The following RAP1GAP2 variants were observed in gnomAD, a reference collection of about 807,000 sequenced individuals.
RAP1GAP2 encodes the protein rap1 GTPase-activating protein 2.
In RAP1GAP2, 27 loss-of-function variants were observed where a neutral mutation model predicts 95.0. The ratio of observed to expected loss-of-function variants is 0.28; its 90% CI spans 0.21 to 0.39. RAP1GAP2 has a LOEUF of 0.39. Among genes scored for constraint, RAP1GAP2 ranks in the 10% least tolerant of loss-of-function variants. The probability of loss-of-function intolerance (pLI) is 1.00; values close to 1 mark genes in which losing one functional copy is unlikely to be tolerated. For missense variants in RAP1GAP2, 771 were observed against 970.0 expected, an observed-to-expected ratio of 0.79 and a Z score of 2.72; for synonymous variants, 373 against 380.9, an observed-to-expected ratio of 0.98 and a Z score of 0.24.
intron 2 of RAP1GAP2, among the ~76,000 whole-genome samples, chr17:2,831,898 AAAC>A (rs1381346384): frequency 2.6e-5 from 4 of 151,986 alleles, no homozygotes; most frequent in Non-Finnish European, 5.9e-5. Context: ...CTGTCTCAAA[AAAC>A]AACAACAACA....
At chr17:2,999,096 G>A (rs1349133523) in intron 14 of RAP1GAP2, among the ~76,000 whole-genome samples, 1 of 152,166 alleles carries the variant, frequency 6.6e-6, no homozygotes, top group Non-Finnish European at 1.5e-5. Context: ...AACCTCCCAA[G>A]CAGTCACGGG....
intron 2 of RAP1GAP2, among the ~76,000 whole-genome samples, chr17:2,879,355 A>ATCCACCCGCCTCGGCCTCCCCAAGTGT (rs1229109445): frequency 3.3e-5 from 5 of 151,382 alleles, no homozygotes; most frequent in African/African-American, 1.2e-4. Context: ...ACCTCAAGTG[A>ATCCACCCGCCTCGGCCTCCCCAAGTGT]TCCACCCGCC....
intron 3 of RAP1GAP2, among the ~76,000 whole-genome samples, chr17:2,933,776 A>T (rs981524002): frequency 6.6e-6 from 1 of 152,180 alleles, no homozygotes; most frequent in East Asian, 1.9e-4. Context: ...CAGTTCCCCC[A>T]CTAAGAGGCT....
At chr17:2,780,324 G>T (rs1176093085) in intron 1 of RAP1GAP2, among the ~76,000 whole-genome samples, 3 of 152,220 alleles carry the variant, frequency 2.0e-5, no homozygotes, top group East Asian at 3.8e-4. Flanking sequence ...GTGCTGGGGT[G>T]ACAGGCGGGA....
chr17:2,881,274 AG>A (rs1260387254), intron 2 of RAP1GAP2, among the ~76,000 whole-genome samples: 10 of 151,710 alleles, frequency 6.6e-5, no homozygotes, highest in African/African-American at 2.4e-4. Flanking sequence ...AAAAAAAAAA[AG>A]AAAAAATGTG....
At chr17:2,854,216 C>T in intron 2 of RAP1GAP2, 1 of 910,158 alleles carries the variant, frequency 1.1e-6, no homozygotes, top group Non-Finnish European at 1.3e-6. Flanking sequence ...AAAAAAGCCT[C>T]CTCTCCAGGT....
rs543215623 is a variant in RAP1GAP2, at chr17:2,797,663, G to A, written c.44+1092G>A. 5 of 981,932 alleles carry A rather than the reference G, an allele frequency of 5.1e-6. No homozygotes were observed. The highest frequency in any genetic ancestry group is 6.0e-6 in the Non-Finnish European group (5 of 826,764). The allele number at this position is 981,932 out of a possible 1,614,324, so 60.8% of individuals were successfully genotyped here. ...TGCCATCCATCCTCTGGCAGGGGGG[G>A]ACTGTGGGCACTCCATGTTTGGCAG... On this transcript the variant is annotated intron_variant, in intron 1 of 24. Transcript: ENST00000254695. This position sits in a 1 kb window ranked among gnomAD's most constrained non-coding sequence, Gnocchi z 5.6.
intron 8 of RAP1GAP2, among the ~76,000 whole-genome samples, chr17:2,975,465 A>G (rs2045070200): frequency 6.6e-6 from 1 of 152,246 alleles, no homozygotes; most frequent in African/African-American, 2.4e-5. Context: ...CAATAGTAAT[A>G]TCAGACAAAA....
At chr17:2,767,255 G>C (rs1443244649) in intron 1 of RAP1GAP2, among the ~76,000 whole-genome samples, 1 of 150,514 alleles carries the variant, frequency 6.6e-6, no homozygotes, top group Non-Finnish European at 1.5e-5. Flanking sequence ...CCAGCTGCTT[G>C]GGAGGCTGAG....
At chr17:2,922,837 T>TG (rs1378558621) in intron 3 of RAP1GAP2, among the ~76,000 whole-genome samples, 3 of 150,616 alleles carry the variant, frequency 2.0e-5, no homozygotes, top group Admixed American at 6.6e-5. Context: ...TTTTTGTTTT[T>TG]TTTTTTTTTT....
At chr17:2,794,847 C>T (rs1204982943), upstream of RAP1GAP2, among the ~76,000 whole-genome samples, 3 of 149,394 alleles carry the variant, frequency 2.0e-5, no homozygotes, top group Admixed American at 6.7e-5. Context: ...AGGCCAATGG[C>T]ACCAGCTAGG....
In RAP1GAP2 at chr17:2,984,992, A is replaced by G; in HGVS notation, c.739A>G (p.Met247Val). Reference protein sequence around the residue: ...NPVLYPKASQMIVSYDEHEVN... With the variant: ...NPVLYPKASQVIVSYDEHEVN... The stretch of plus-strand genomic sequence containing the variant: ...TTGCCACATTTTCCAGGCCTCCCAA[A>G]TGATTGTGTCCTATGATGAGCATGA... Residue 247 changes from methionine to valine, a missense_variant, in exon 11 of 25, where the codon ATG becomes GTG. Coordinates refer to ENST00000254695, the MANE Select transcript of RAP1GAP2 (RefSeq NM_015085.5). 6.2e-7 allele frequency: 1 copy of G among 1,607,352 alleles called. No individual in the cohort carries two copies. Among genetic ancestry groups the G allele is most frequent in the Non-Finnish European group, 8.5e-7 (1 of 1,178,024 alleles).
intron 3 of RAP1GAP2, among the ~76,000 whole-genome samples, chr17:2,910,140 T>G (rs2042324548): frequency 6.6e-6 from 1 of 152,222 alleles, no homozygotes; most frequent in African/African-American, 2.4e-5. Context: ...GTCCGATTCT[T>G]TCCTTAACTT....
At chr17:2,899,915 C>T (rs1013101090) in intron 2 of RAP1GAP2, among the ~76,000 whole-genome samples, 3 of 152,158 alleles carry the variant, frequency 2.0e-5, no homozygotes, top group Admixed American at 6.5e-5. Flanking sequence ...TGTTCGTTGG[C>T]GGATGGACAC....
intron 3 of RAP1GAP2, among the ~76,000 whole-genome samples, chr17:2,942,155 T>A (rs1025118364): frequency 2.0e-5 from 3 of 152,176 alleles, no homozygotes; most frequent in African/African-American, 7.2e-5. Flanking sequence ...GGATTCATTC[T>A]GGGCAAGTTG....
upstream of RAP1GAP2, among the ~76,000 whole-genome samples, chr17:2,773,994 G>A (rs1350303210): frequency 6.6e-6 from 1 of 152,084 alleles, no homozygotes; most frequent in African/African-American, 2.4e-5. Context: ...CTGCCCTCAG[G>A]TGATCTGCCT....
chr17:2,959,630 G>A (rs946195327), intron 4 of RAP1GAP2, among the ~76,000 whole-genome samples: 6 of 152,220 alleles, frequency 3.9e-5, no homozygotes, highest in African/African-American at 1.4e-4. Context: ...TTAGCTAGTT[G>A]TGAAGAGCTG....
rs574007861 is a variant in RAP1GAP2, at chr17:2,781,401, C to T, written c.-14+4123C>T. 2.0e-5 allele frequency among the ~76,000 whole-genome samples: 3 copies of T among 152,346 alleles called. No homozygotes were observed. In the South Asian group the frequency reaches 6.2e-4, roughly 32 times the overall value. ...ACTGAGGTGTGCCTGTGCATGTGGACACATCTGTGCTTGGTGTGCACGTGT... is the reference window on the plus strand; with the variant it reads ...ACTGAGGTGTGCCTGTGCATGTGGATACATCTGTGCTTGGTGTGCACGTGT... On this transcript the variant is annotated intron_variant, in intron 1 of 24. Coordinates refer to the RAP1GAP2 transcript ENST00000540393.
At chr17:2,997,543 T>A (rs1229191043) in intron 13 of RAP1GAP2, among the ~76,000 whole-genome samples, 1 of 152,138 alleles carries the variant, frequency 6.6e-6, no homozygotes. Context: ...GAGTCAGGGA[T>A]CTGCATGCTG....
Sources: allele counts gnomAD v4.1 joint callset (sites outside exome capture counted in the v4.1 genomes callset), GRCh38; gene constraint gnomAD v4.1.1; non-coding constraint Gnocchi (gnomAD v3.1); transcripts MANE v1.5; gene names NCBI Gene and HGNC (gene_info 2026-07-23, HGNC 2026-07-21).